MCF2L2: variants seen among roughly 807,000 people sequenced by gnomAD.
MCF2L2 encodes the protein MCF.2 cell line derived transforming sequence-like 2.
MCF2L2 carries 102 observed loss-of-function variants against 150.2 expected under a neutral mutation model. The ratio of observed to expected loss-of-function variants is 0.68; its 90% CI spans 0.58 to 0.80. The LOEUF is 0.80. MCF2L2 is among the 30% of genes least tolerant of loss of function. The probability of loss-of-function intolerance (pLI) is 0.00; values close to 1 mark genes in which losing one functional copy is unlikely to be tolerated. For missense variants in MCF2L2, 1,256 were observed against 1,372.8 expected, an observed-to-expected ratio of 0.91 and a Z score of 1.34; for synonymous variants, 465 against 491.3, an observed-to-expected ratio of 0.95 and a Z score of 0.71.
rs1251367862 is a variant in MCF2L2, at chr3:183,228,043, A to ACACACACACACACACACC, written c.2115+253_2115+254insGGTGTGTGTGTGTGTGTG. 4.4e-5 allele frequency: 20 copies of ACACACACACACACACACC among 453,220 alleles called. No homozygotes were observed. The Admixed American group carries it at 6.9e-4, about 16-fold the overall frequency. The allele number at this position is 453,220 out of a possible 1,614,324, so 28.1% of individuals were successfully genotyped here. A position where few individuals can be genotyped will look rare whatever the true frequency, so the allele number is the denominator to read the frequency against. ...TATATACATATACACACACACACACACACAATGGTAATGAATGTATTCATT... is the reference window on the plus strand; with the variant it reads ...TATATACATATACACACACACACACACACACACACACACACACCCACAATGGTAATGAATGTATTCATT... On this transcript the variant is annotated intron_variant, in intron 18 of 29. Coordinates refer to ENST00000328913, the MANE Select transcript of MCF2L2 (RefSeq NM_015078.4).
At position 183,387,392 on chromosome 3, in the gene MCF2L2, G is replaced by A. The variant is rs150758693; in HGVS notation, c.160+2304C>T. Among the ~76,000 whole-genome samples, 11 of 152,204 alleles carry A rather than the reference G, an allele frequency of 7.2e-5. No homozygotes were observed. In the East Asian group the frequency reaches 2.1e-3, roughly 29 times the overall value. The stretch of plus-strand genomic sequence containing the variant: ...AGCAGAAGTGTCTTCTGCGCCCAGT[G>A]TGTGTTTCCACAGTTCTCTGTTCTA... On this transcript the variant is annotated intron_variant, in intron 2 of 29. Coordinates refer to ENST00000328913, the MANE Select transcript of MCF2L2 (RefSeq NM_015078.4).
intron 7 of MCF2L2, among the ~76,000 whole-genome samples, chr3:183,314,103 T>C (rs896547383): frequency 2.0e-5 from 3 of 152,232 alleles, no homozygotes; most frequent in Admixed American, 2.0e-4. Context: ...TCTTCCTTTC[T>C]GTCCCTCAGA....
chr3:183,407,774 T>C (rs1715116295), intron 1 of MCF2L2, among the ~76,000 whole-genome samples: 1 of 152,286 alleles, frequency 6.6e-6, no homozygotes, highest in East Asian at 1.9e-4. Flanking sequence ...TGTTCCTCCT[T>C]TGCAAGCAAG....
chr3:183,404,917 A>G (rs1714965113), intron 1 of MCF2L2, among the ~76,000 whole-genome samples: 1 of 152,136 alleles, frequency 6.6e-6, no homozygotes, highest in Non-Finnish European at 1.5e-5. Flanking sequence ...CTGACTAAAG[A>G]TGCTCCTTGC....
intron 13 of MCF2L2, among the ~76,000 whole-genome samples, chr3:183,293,080 TA>T (rs2108486015): frequency 6.6e-6 from 1 of 152,188 alleles, no homozygotes; most frequent in Admixed American, 6.5e-5. Flanking sequence ...TCACAGTGTA[TA>T]AAAAGGCAAG....
intron 1 of MCF2L2, among the ~76,000 whole-genome samples, chr3:183,398,227 C>A (rs922126448): frequency 6.6e-6 from 1 of 152,092 alleles, no homozygotes; most frequent in Admixed American, 6.6e-5. Context: ...CTGTGAATGC[C>A]AATGGGAGGT....
chr3:183,311,638 A>G lies in MCF2L2; in HGVS notation c.878+10T>C. The G allele has an allele frequency of 6.2e-7, 1 of 1,613,104 alleles. No individual in the cohort carries two copies. The highest frequency in any genetic ancestry group is 8.5e-7 in the Non-Finnish European group (1 of 1,179,754). On this transcript the variant is annotated intron_variant, in intron 8 of 29. Coordinates refer to ENST00000328913, the MANE Select transcript of MCF2L2 (RefSeq NM_015078.4). ...CTCCTGAAAAGGCTGATTCCACTTC[A>G]CTCACTCACCTTTCCATGGTAGTTA...
chr3:183,179,531 C>T lies in MCF2L2; in HGVS notation c.3222-28G>A, dbSNP rs774568367. On this transcript the variant is annotated intron_variant, in intron 29 of 29. Transcript: ENST00000328913. This position sits in a 1 kb window ranked among gnomAD's most constrained non-coding sequence, Gnocchi z 4.2. ...GCAATTCCGAGAAGAAAGTCAGAGA[C>T]GCCGTGGCCCAAAGAGGCGCTTAGT... is the stretch of plus-strand genomic sequence containing the variant. 3.1e-6 allele frequency: 5 copies of T among 1,611,198 alleles called. No individual in the cohort carries two copies. The highest frequency in any genetic ancestry group is 3.4e-6 in the Non-Finnish European group (4 of 1,178,120).
intron 1 of MCF2L2, among the ~76,000 whole-genome samples, chr3:183,427,386 A>C (rs1279185692): frequency 6.6e-6 from 1 of 152,200 alleles, no homozygotes; most frequent in African/African-American, 2.4e-5. Flanking sequence ...GGGTGTGCTT[A>C]ACCCTCCAGG....
At chr3:183,394,142 G>A (rs1467672912) in intron 1 of MCF2L2, among the ~76,000 whole-genome samples, 1 of 152,150 alleles carries the variant, frequency 6.6e-6, no homozygotes, top group African/African-American at 2.4e-5. Flanking sequence ...AGACTCAAGG[G>A]GACAGAAGGA....
At chr3:183,382,128 C>T (rs1451392032) in intron 2 of MCF2L2, among the ~76,000 whole-genome samples, 2 of 151,810 alleles carry the variant, frequency 1.3e-5, no homozygotes, top group East Asian at 1.9e-4. Context: ...GTGTGATCTC[C>T]GCTCACTGCA....
At chr3:183,184,975 G>A (rs775685990) in intron 27 of MCF2L2, among the ~76,000 whole-genome samples, 2 of 150,854 alleles carry the variant, frequency 1.3e-5, no homozygotes, top group Non-Finnish European at 2.9e-5. Flanking sequence ...GGAGTGCAGT[G>A]ACACGATCTC....
intron 1 of MCF2L2, among the ~76,000 whole-genome samples, chr3:183,426,569 T>G (rs1195899170): frequency 2.0e-5 from 3 of 152,246 alleles, no homozygotes; most frequent in Non-Finnish European, 4.4e-5. Context: ...CAGGGAAAGA[T>G]TCAAATCCAG....
intron 21 of MCF2L2, among the ~76,000 whole-genome samples, 162 bp downstream of exon 21, chr3:183,219,689 CTTTAA>C (rs1046251009): frequency 3.3e-5 from 5 of 151,680 alleles, no homozygotes; most frequent in African/African-American, 9.7e-5. Flanking sequence ...TTAAAATTGC[CTTTAA>C]TTTTTTTGTT....
At chr3:183,421,646 T>C (rs1394851709) in intron 1 of MCF2L2, among the ~76,000 whole-genome samples, 2 of 152,192 alleles carry the variant, frequency 1.3e-5, no homozygotes, top group Non-Finnish European at 2.9e-5. Flanking sequence ...CTGGGCTTTC[T>C]CACAGGCAGT....
intron 15 of MCF2L2, among the ~76,000 whole-genome samples, chr3:183,244,016 C>A (rs1219690703): frequency 6.6e-6 from 1 of 151,896 alleles, no homozygotes; most frequent in Non-Finnish European, 1.5e-5. Flanking sequence ...CCCAGCTACT[C>A]GGGAGGCTGA....
chr3:183,198,214 C>T (rs775532480), intron 25 of MCF2L2, among the ~76,000 whole-genome samples: 12 of 151,974 alleles, frequency 7.9e-5, no homozygotes, highest in East Asian at 1.9e-4. Flanking sequence ...ATAAAGAAAA[C>T]GGGGTCTAGC....
At chr3:183,191,292 C>T (rs1277330778) in intron 27 of MCF2L2, among the ~76,000 whole-genome samples, 1 of 152,210 alleles carries the variant, frequency 6.6e-6, no homozygotes, top group Non-Finnish European at 1.5e-5. Context: ...CCATCCCCCA[C>T]CAGAGAGGCA....
At chr3:183,330,245 GAAAA>G (rs200391954) in intron 5 of MCF2L2, among the ~76,000 whole-genome samples, 1 of 57,346 alleles carries the variant, frequency 1.7e-5, no homozygotes, top group African/African-American at 7.2e-5. Flanking sequence ...ACCCTGTCTT[GAAAA>G]AAAAAAAAAA....
Sources: gnomAD v4.1 joint callset for allele counts (sites outside exome capture counted in the v4.1 genomes callset) on GRCh38, gnomAD v4.1.1 for gene constraint, Gnocchi (gnomAD v3.1) non-coding constraint, MANE v1.5 for transcripts, NCBI Gene and HGNC (gene_info 2026-07-23, HGNC 2026-07-21) for gene names.